Variants in RANBP2 observed in about 807,000 individuals in gnomAD.
RANBP2 encodes RAN binding protein 2, also known as E3 SUMO-protein ligase RanBP2.
A neutral mutation model predicts 303.6 loss-of-function variants in RANBP2; 57 were observed. That is an observed-to-expected ratio of 0.19 (90% confidence interval 0.15 to 0.23). RANBP2 has a LOEUF of 0.23. Among genes scored for constraint, RANBP2 ranks in the 10% least tolerant of loss-of-function variants. The pLI is 1.00. For missense variants in RANBP2, 3,138 were observed against 3,780.8 expected, an observed-to-expected ratio of 0.83 and a Z score of 4.46; for synonymous variants, 1,167 against 1,301.5, an observed-to-expected ratio of 0.90 and a Z score of 2.23.
the RANBP2 span, among the ~76,000 whole-genome samples, chr2:109,133,410 T>A: frequency 0.2 from 30,934 of 152,182 alleles, 3,910 homozygotes; most frequent in Middle Eastern, 0.36. Flanking sequence ...AAAATTATAT[T>A]TGTTAAATAT....
the RANBP2 span, chr2:108,896,954 A>G: frequency 1.2e-6 from 2 of 1,613,280 alleles, no homozygotes; most frequent in South Asian, 2.2e-5. Flanking sequence ...ACCCCCGCCC[A>G]CTCCAGTATG....
chr2:109,711,892 C>T, the RANBP2 span, among the ~76,000 whole-genome samples: 1 of 152,144 alleles, frequency 6.6e-6, no homozygotes, highest in Non-Finnish European at 1.5e-5. Flanking sequence ...TAATGGCTGC[C>T]TGCAGTCTTG....
chr2:109,417,261 C>A, the RANBP2 span, among the ~76,000 whole-genome samples: 1 of 152,136 alleles, frequency 6.6e-6, no homozygotes, highest in African/African-American at 2.4e-5. Context: ...TCTCTGCCCT[C>A]GTACTTGCCC....
the RANBP2 span, among the ~76,000 whole-genome samples, chr2:109,155,360 G>T: frequency 6.6e-6 from 1 of 152,178 alleles, no homozygotes; most frequent in Non-Finnish European, 1.5e-5. Context: ...GAATGCAGTG[G>T]TGGGATCTTG....
At chr2:109,507,843 G>A in the RANBP2 span, among the ~76,000 whole-genome samples, 61 of 152,182 alleles carry the variant, frequency 4.0e-4, no homozygotes, top group Non-Finnish European at 7.6e-4. Flanking sequence ...TGATGGGGCT[G>A]GTGTTCCATG....
At chr2:109,311,863 G>GC in the RANBP2 span, among the ~76,000 whole-genome samples, 47,386 of 151,958 alleles carry the variant, frequency 0.31, 9,149 homozygotes, top group African/African-American at 0.55. Context: ...TTTAATTAAA[G>GC]TTTGAAGTTG....
chr2:109,550,200 C>G, the RANBP2 span, among the ~76,000 whole-genome samples: 3 of 151,586 alleles, frequency 2.0e-5, no homozygotes, highest in African/African-American at 4.8e-5. Context: ...TGAGGCAGGA[C>G]AATTGCTTGA....
the RANBP2 span, chr2:108,907,749 G>T: frequency 7.7e-7 from 1 of 1,304,076 alleles, no homozygotes; most frequent in Non-Finnish European, 1.1e-6. Flanking sequence ...TTGGACTTCT[G>T]GGAGAAACAC....
chr2:109,575,783 A>G, the RANBP2 span, among the ~76,000 whole-genome samples: 1 of 152,238 alleles, frequency 6.6e-6, no homozygotes, highest in Non-Finnish European at 1.5e-5. Context: ...CAGTACCTTG[A>G]GCAGCTGAGG....
the RANBP2 span, among the ~76,000 whole-genome samples, chr2:109,497,152 T>C: frequency 1.3e-5 from 2 of 152,234 alleles, no homozygotes; most frequent in Non-Finnish European, 2.9e-5. Context: ...ACATTTATGG[T>C]CATTCGTTAT....
At chr2:108,779,945 C>T (rs1056740565) in intron 25 of RANBP2, among the ~76,000 whole-genome samples, 1 of 151,998 alleles carries the variant, frequency 6.6e-6, no homozygotes, top group Non-Finnish European at 1.5e-5. Context: ...GCCATTGTGG[C>T]TAATTTGGAA....
chr2:109,042,678 A>C, the RANBP2 span, among the ~76,000 whole-genome samples: 1 of 152,206 alleles, frequency 6.6e-6, no homozygotes, highest in Non-Finnish European at 1.5e-5. Context: ...ACAGATTTAA[A>C]AAATAGTTTA....
the RANBP2 span, among the ~76,000 whole-genome samples, chr2:109,685,285 C>A: frequency 6.6e-6 from 1 of 152,204 alleles, no homozygotes; most frequent in Non-Finnish European, 1.5e-5. Context: ...AATGAATACG[C>A]TCATGAGTAC....
the RANBP2 span, among the ~76,000 whole-genome samples, chr2:109,456,050 G>T: frequency 1.3e-5 from 2 of 152,238 alleles, no homozygotes; most frequent in Non-Finnish European, 2.9e-5. Context: ...GTCATCAGGT[G>T]CAGCCACAGT....
chr2:109,094,284 A>G, the RANBP2 span, among the ~76,000 whole-genome samples: 2 of 152,154 alleles, frequency 1.3e-5, no homozygotes, highest in Non-Finnish European at 2.9e-5. Context: ...GCACTGCACT[A>G]TCTTCTCCCG....
chr2:108,863,187 G>C, the RANBP2 span, among the ~76,000 whole-genome samples: 1 of 151,932 alleles, frequency 6.6e-6, no homozygotes, highest in East Asian at 1.9e-4. Context: ...TTATTCAATC[G>C]TTCTATTATG....
the RANBP2 span, among the ~76,000 whole-genome samples, chr2:109,546,433 A>G: frequency 6.6e-6 from 1 of 152,154 alleles, no homozygotes; most frequent in Non-Finnish European, 1.5e-5. Context: ...TTTAATTTAA[A>G]TGAGTTCCCA....
chr2:109,029,420 A>T, the RANBP2 span, among the ~76,000 whole-genome samples: 4 of 152,302 alleles, frequency 2.6e-5, no homozygotes, highest in South Asian at 8.3e-4. Context: ...GGGAATCTGG[A>T]GGTGGGAAAC....
the RANBP2 span, among the ~76,000 whole-genome samples, chr2:109,570,527 G>GTTT: frequency 5.4e-5 from 8 of 147,200 alleles, no homozygotes; most frequent in African/African-American, 1.7e-4. Context: ...ATTGTATCAG[G>GTTT]TTTTTTTTTT....
Sources: gnomAD v4.1 joint callset for allele counts (sites outside exome capture counted in the v4.1 genomes callset) on GRCh38, gnomAD v4.1.1 for gene constraint, MANE v1.5 for transcripts, NCBI Gene and HGNC (gene_info 2026-07-23, HGNC 2026-07-21) for gene names.